Variants in OR56A3 observed in about 807,000 individuals in gnomAD.
OR56A3 encodes olfactory receptor family 56 subfamily A member 3.
OR56A3 carries 23 observed loss-of-function variants against 17.5 expected under a neutral mutation model. The ratio of observed to expected loss-of-function variants is 1.32; its 90% confidence interval spans 0.95 to 1.87. The LOEUF (loss-of-function observed/expected upper bound fraction) is 1.87. Among genes scored for constraint, OR56A3 ranks in the 40% most tolerant of loss-of-function variants. OR56A3 has a pLI of 0.00. For missense variants in OR56A3, 366 were observed against 380.1 expected (o/e 0.96, Z 0.31); for synonymous variants, 175 against 150.6 (o/e 1.16, Z -1.19).
chr11:5,986,449 C>A, the OR56A3 span: 67 of 1,613,766 alleles, frequency 4.2e-5, no homozygotes, highest in Non-Finnish European at 5.3e-5. Flanking sequence ...CATTCCGATG[C>A]GCCCTATGAC....
At chr11:5,993,188 A>C in the OR56A3 span, among the ~76,000 whole-genome samples, 5 of 152,152 alleles carry the variant, frequency 3.3e-5, no homozygotes, top group African/African-American at 1.2e-4. Flanking sequence ...AGTACTCAGG[A>C]ACTGAGCCTA....
the OR56A3 span, among the ~76,000 whole-genome samples, chr11:5,998,997 C>A: frequency 6.6e-6 from 1 of 152,178 alleles, no homozygotes; most frequent in African/African-American, 2.4e-5. Flanking sequence ...GGTATTATAG[C>A]CACATATCTT....
the OR56A3 span, among the ~76,000 whole-genome samples, chr11:5,970,869 G>A: frequency 6.6e-6 from 1 of 152,124 alleles, no homozygotes; most frequent in Non-Finnish European, 1.5e-5. Flanking sequence ...AGTATCCAGA[G>A]CTTAGTAATT....
chr11:5,973,732 G>A, the OR56A3 span, among the ~76,000 whole-genome samples: 1 of 151,928 alleles, frequency 6.6e-6, no homozygotes, highest in Admixed American at 6.6e-5. Context: ...GACCTATTTT[G>A]TGGTTGAGCA....
At chr11:6,010,705 A>AT in the OR56A3 span, among the ~76,000 whole-genome samples, 6 of 152,212 alleles carry the variant, frequency 3.9e-5, no homozygotes, top group African/African-American at 1.4e-4. Flanking sequence ...TAAGACAGAC[A>AT]TTTCATACTA....
downstream of OR56A3, among the ~76,000 whole-genome samples, chr11:5,952,172 C>A (rs888514180): frequency 6.6e-6 from 1 of 152,012 alleles, no homozygotes; most frequent in Non-Finnish European, 1.5e-5. Context: ...TAAACAGAAA[C>A]AGTAAAAAAT....
chr11:5,968,141 G>C, the OR56A3 span: 1 of 1,614,218 alleles, frequency 6.2e-7, no homozygotes, highest in Non-Finnish European at 8.5e-7. Flanking sequence ...CCATGATCAT[G>C]AATGTGCAGG....
At chr11:5,943,272 GC>G (rs1847849713) in intron 1 of OR56A3, 1 of 152,044 alleles carries the variant, frequency 6.6e-6, no homozygotes, top group Non-Finnish European at 1.5e-5. Flanking sequence ...TCATCTTAGT[GC>G]TAAAAATAAT....
chr11:5,986,070 G>C, the OR56A3 span: 1 of 1,613,928 alleles, frequency 6.2e-7, no homozygotes, highest in Non-Finnish European at 8.5e-7. Context: ...GGACATGATG[G>C]GGTACATGAT....
the OR56A3 span, among the ~76,000 whole-genome samples, chr11:5,962,481 T>C: frequency 1.4e-5 from 2 of 146,982 alleles, no homozygotes; most frequent in Non-Finnish European, 3.0e-5. Context: ...TAGTTCTTCT[T>C]TAAATGTTTG....
the OR56A3 span, among the ~76,000 whole-genome samples, chr11:5,966,419 A>G: frequency 9.2e-5 from 14 of 152,100 alleles, no homozygotes; most frequent in African/African-American, 3.4e-4. Context: ...AAACTGACTT[A>G]TAAGTCTTCC....
chr11:5,977,517 A>C, the OR56A3 span, among the ~76,000 whole-genome samples: 1 of 152,186 alleles, frequency 6.6e-6, no homozygotes, highest in Non-Finnish European at 1.5e-5. Context: ...TCCTCTTTTG[A>C]GAAGTGTCTG....
At chr11:5,982,720 T>C in the OR56A3 span, among the ~76,000 whole-genome samples, 3 of 152,178 alleles carry the variant, frequency 2.0e-5, no homozygotes, top group Admixed American at 2.0e-4. Flanking sequence ...GGGCTCCACA[T>C]AGACTGGAGT....
At chr11:5,993,922 G>C in the OR56A3 span, 2 of 482,022 alleles carry the variant, frequency 4.1e-6, no homozygotes, top group Non-Finnish European at 8.0e-6. Context: ...CCACTTTGCT[G>C]TCCACTCTGT....
At chr11:5,955,254 C>G (rs1847926439), downstream of OR56A3, among the ~76,000 whole-genome samples, 2 of 152,110 alleles carry the variant, frequency 1.3e-5, no homozygotes, top group Admixed American at 6.5e-5. Flanking sequence ...AGATTAAAAT[C>G]AAGACTTGAA....
downstream of OR56A3, among the ~76,000 whole-genome samples, chr11:5,954,900 T>C (rs547706516): frequency 1.2e-3 from 180 of 152,170 alleles, no homozygotes; most frequent in African/African-American, 4.1e-3. Flanking sequence ...ATTGAAGAAG[T>C]TGGAATTTGT....
At chr11:6,018,134 A>G in the OR56A3 span, among the ~76,000 whole-genome samples, 2 of 152,096 alleles carry the variant, frequency 1.3e-5, no homozygotes, top group African/African-American at 2.4e-5. Flanking sequence ...ACACACCAAT[A>G]CAATAATAGG....
chr11:5,959,503 T>C, the OR56A3 span, among the ~76,000 whole-genome samples: 1 of 152,172 alleles, frequency 6.6e-6, no homozygotes, highest in African/African-American at 2.4e-5. Context: ...TTTTATTATT[T>C]GTTTCCTTGC....
the OR56A3 span, among the ~76,000 whole-genome samples, chr11:5,982,274 G>A: frequency 6.6e-6 from 1 of 152,180 alleles, no homozygotes; most frequent in Non-Finnish European, 1.5e-5. Flanking sequence ...CAGTGGAAGG[G>A]TGGTGACGTT....
Sources: allele counts gnomAD v4.1 joint callset (sites outside exome capture counted in the v4.1 genomes callset), GRCh38; gene constraint gnomAD v4.1.1; transcripts MANE v1.5; gene names NCBI Gene and HGNC (gene_info 2026-07-23, HGNC 2026-07-21).